MLLT1: variants seen among roughly 807,000 people sequenced by gnomAD.
MLLT1 encodes MLLT1 super elongation complex subunit.
A neutral mutation model predicts 55.1 loss-of-function variants in MLLT1; 11 were observed. The observed-to-expected ratio is 0.20, with a 90% confidence interval of 0.13 to 0.33. MLLT1 has a LOEUF of 0.33. Among genes scored for constraint, MLLT1 ranks in the 10% least tolerant of loss-of-function variants. The pLI is 1.00. For synonymous variants in MLLT1, 323 were observed against 320.1 expected (o/e 1.01, Z -0.10); for missense variants, 536 against 760.6 (o/e 0.70, Z 3.47).
intron 1 of MLLT1, among the ~76,000 whole-genome samples, chr19:6,276,712 C>T (rs1246102845): frequency 6.6e-6 from 1 of 152,088 alleles, no homozygotes; most frequent in Non-Finnish European, 1.5e-5. Context: ...CAGACATAAC[C>T]CTTAAGTGAG....
rs1398962714 is a variant in MLLT1, at chr19:6,228,368, TG to T, written c.421-1267del. ...GACTGACTGTTTCAGGATCACGCAG[TG>T]TCTCGCTCTAGCACAGACCGTTGAG... On this transcript the variant is annotated intron_variant, in intron 4 of 11. Transcript: ENST00000252674. Among the ~76,000 whole-genome samples the T allele has an allele frequency of 3.3e-5, 5 of 152,176 alleles. 1 individual carries two copies. The highest frequency in any genetic ancestry group is 5.9e-5 in the Non-Finnish European group (4 of 68,026).
At chr19:6,272,617 C>T (rs1265174413) in intron 1 of MLLT1, among the ~76,000 whole-genome samples, 2 of 152,254 alleles carry the variant, frequency 1.3e-5, no homozygotes, top group South Asian at 2.1e-4. Flanking sequence ...GCCCCCAGGG[C>T]CCCTGTGAAC....
In MLLT1 at chr19:6,213,951, C is replaced by A; in HGVS notation, c.1395G>T (p.Pro465=). Residue 465 remains proline, a synonymous_variant, in exon 9 of 12, where the codon CCG becomes CCT. Coordinates refer to ENST00000252674, the MANE Select transcript of MLLT1 (RefSeq NM_005934.4). The part of the protein sequence containing the change: ...REPPPPQKPP[P]PNSKVSGRRS... Reference sequence around the variant, plus strand: ...GCCCCAGGCTCACCTTGCTGTTGGGCGGGGGTGGCTTCTGGGGGGGTGGGG... The same window carrying A: ...GCCCCAGGCTCACCTTGCTGTTGGGAGGGGGTGGCTTCTGGGGGGGTGGGG... 2 of 1,310,334 alleles carry A rather than the reference C, an allele frequency of 1.5e-6. No individual in the cohort carries two copies. Among genetic ancestry groups the A allele is most frequent in the South Asian group, 1.6e-5 (1 of 62,480 alleles). The allele number at this position is 1,310,334 out of a possible 1,614,324, so 81.2% of individuals were successfully genotyped here.
rs368999165 is a variant in MLLT1, at chr19:6,222,272, G to T, written c.959C>A (p.Ser320Tyr). 2 of 1,612,210 alleles carry T rather than the reference G, an allele frequency of 1.2e-6. No homozygotes were observed. The highest frequency in any genetic ancestry group is 2.7e-5 in the African/African-American group (2 of 74,846). Residue 320 changes from serine (S) to tyrosine (Y), a missense_variant, in exon 6 of 12, where the codon TCC (serine) becomes TAC (tyrosine). This residue lies in a region of MLLT1 where 449 missense variants were observed against 489.0 expected (regional missense o/e 0.92). Coordinates refer to ENST00000252674, the MANE Select transcript of MLLT1 (RefSeq NM_005934.4). This position sits in a 1 kb window ranked among gnomAD's most constrained non-coding sequence, Gnocchi z 4.1. ...CTTCTTGTCCGAGAAGGAGGAGGAG[G>T]AGGAGGTGCGGGGCGAGGTGCCTGG... ...SAPGTSPRTS[S>Y]SSSFSDKKPA...
At chr19:6,238,210 AG>A (rs2091081156) in intron 3 of MLLT1, among the ~76,000 whole-genome samples, 1 of 152,250 alleles carries the variant, frequency 6.6e-6, no homozygotes. Flanking sequence ...CAGTTTTTGC[AG>A]GGAACTAGCT....
chr19:6,271,964 A>G (rs141435134), intron 1 of MLLT1, among the ~76,000 whole-genome samples: 1,993 of 151,972 alleles, frequency 0.013, 44 homozygotes, highest in African/African-American at 0.046. Flanking sequence ...CCCCGTTCAG[A>G]CCCCGCCACC....
intron 1 of MLLT1, among the ~76,000 whole-genome samples, chr19:6,277,530 T>G (rs1369406890): frequency 6.6e-6 from 1 of 152,186 alleles, no homozygotes; most frequent in Non-Finnish European, 1.5e-5. Context: ...TGCTGGTGAC[T>G]GTGGTACCGG....
chr19:6,213,088 G>A lies in MLLT1; in HGVS notation c.1634C>T (p.Thr545Ile), dbSNP rs943143486. 1 of 1,613,998 alleles carries A rather than the reference G, an allele frequency of 6.2e-7. No individual in the cohort carries two copies. The highest frequency in any genetic ancestry group is 8.5e-7 in the Non-Finnish European group (1 of 1,179,886). The change falls in exon 12 of 12, where the codon ACC becomes ATC. Residue 545 changes from threonine (T) to isoleucine (I), a missense_variant. This residue lies in a region of MLLT1 where 25 missense variants were observed against 75.8 expected (regional missense o/e 0.33). Transcript: ENST00000252674. ...GCAGCTCTGCAGTTTGCGCACGGTG[G>A]TCTCGTCCAGGGAGAAGAGGTCGAA... ...FDFDLFSLDE[T>I]TVRKLQSCLE...
intron 3 of MLLT1, among the ~76,000 whole-genome samples, chr19:6,246,896 A>G (rs2091173377): frequency 6.6e-6 from 1 of 152,236 alleles, no homozygotes; most frequent in Non-Finnish European, 1.5e-5. Context: ...GTACCCTTGC[A>G]GCGTTCCTAC....
rs1283539336 is a variant in MLLT1, at chr19:6,230,573, G to A, written c.417C>T (p.Gly139=). 3 of 1,612,800 alleles carry A rather than the reference G, an allele frequency of 1.9e-6. No homozygotes were observed. The highest frequency in any genetic ancestry group is 1.7e-6 in the Non-Finnish European group (2 of 1,179,802). Residue 139 remains glycine (G), a synonymous_variant, in exon 4 of 12, where the codon GGC becomes GGT. Coordinates refer to ENST00000252674, the MANE Select transcript of MLLT1 (RefSeq NM_005934.4). The surrounding 1 kb of genome is among the most constrained non-coding windows in gnomAD (Gnocchi z 9.0). ...TEFRYKLLRA[G]GVMVMPEGAD... is the part of the protein sequence containing the mutation. ...GGCAGGGGCGGGGCACACTCACCCC[G>A]CCGGCCCGCAGGAGCTTGTACCGGA...
intron 3 of MLLT1, among the ~76,000 whole-genome samples, chr19:6,257,912 G>C (rs1274983980): frequency 6.6e-6 from 1 of 152,182 alleles, no homozygotes; most frequent in African/African-American, 2.4e-5. Context: ...GGTCATCAAG[G>C]AAATGCAAAT....
At chr19:6,217,286 G>A (rs910319045) in intron 7 of MLLT1, among the ~76,000 whole-genome samples, 3 of 152,178 alleles carry the variant, frequency 2.0e-5, no homozygotes, top group African/African-American at 7.2e-5. Context: ...AGGATTCCAG[G>A]CCAAGGGGGA....
At chr19:6,215,014 G>A (rs539812179) in intron 8 of MLLT1, among the ~76,000 whole-genome samples, 1 of 152,302 alleles carries the variant, frequency 6.6e-6, no homozygotes, top group Admixed American at 6.5e-5. Context: ...ACGTTGCCCA[G>A]GCGACGCCCC....
rs1050834726 is a variant in MLLT1, at chr19:6,235,518, G to A, written c.277-4805C>T. Among the ~76,000 whole-genome samples the A allele has an allele frequency of 1.3e-5, 2 of 152,194 alleles. No homozygotes were observed. The highest frequency in any genetic ancestry group is 2.9e-5 in the Non-Finnish European group (2 of 68,004). On this transcript the variant is annotated intron_variant, in intron 3 of 11. Coordinates refer to ENST00000252674, the MANE Select transcript of MLLT1 (RefSeq NM_005934.4). The surrounding 1 kb of genome is among the most constrained non-coding windows in gnomAD (Gnocchi z 5.5). ...CCAGACGGTACCAAAGCACTGGGAT[G>A]CCCCAGGGACGCTCCCTAGCTCTGC...
At position 6,265,046 on chromosome 19, in the gene MLLT1, AAAC is replaced by A. The variant is rs1433069647; in HGVS notation, c.194-2739_194-2737del. 2.8e-3 allele frequency among the ~76,000 whole-genome samples: 161 copies of A among 58,012 alleles called. 6 individuals are homozygous for A. Among genetic ancestry groups the A allele is most frequent in the African/African-American group, 5.2e-3 (92 of 17,578 alleles). 38.1% of individuals were successfully genotyped at this position (58,012 alleles called of 152,430 possible). ...CAAAACATAGTGAACAGCAAAAAAA[AAAC>A]AAAAAAACAAAAAAACAAAAAAAAA... On this transcript the variant is annotated intron_variant, in intron 2 of 11. Transcript: ENST00000252674.
intron 3 of MLLT1, among the ~76,000 whole-genome samples, chr19:6,238,115 C>G (rs1020082407): frequency 3.9e-5 from 6 of 152,154 alleles, no homozygotes; most frequent in Non-Finnish European, 1.5e-5. Flanking sequence ...GAGGGAAAGA[C>G]AGAGAGAAGC....
rs753744711 is a variant in MLLT1, at chr19:6,213,325, G to C, written c.1551+12C>G. On this transcript the variant is annotated intron_variant, in intron 11 of 11. Coordinates refer to ENST00000252674, the MANE Select transcript of MLLT1 (RefSeq NM_005934.4). ...CGACCTCTGCCGGGCAGGACCCTCA[G>C]GGGGGCGATACCTGCTGCAGCACGT... The C allele has an allele frequency of 2.5e-6, 4 of 1,611,890 alleles. No homozygotes were observed. Among genetic ancestry groups the C allele is most frequent in the Admixed American group, 1.7e-5 (1 of 60,002 alleles).
chr19:6,255,385 C>G (rs906550655), intron 3 of MLLT1, among the ~76,000 whole-genome samples: 1 of 152,194 alleles, frequency 6.6e-6, no homozygotes, highest in South Asian at 2.1e-4. Flanking sequence ...TCCAGCTACT[C>G]GGGAGGCTGA....
chr19:6,278,942 A>G (rs1464437551), intron 1 of MLLT1, among the ~76,000 whole-genome samples: 1 of 152,198 alleles, frequency 6.6e-6, no homozygotes, highest in Non-Finnish European at 1.5e-5. Context: ...GGGACACTCC[A>G]AACAGGCCTG....
Sources: allele counts gnomAD v4.1 joint callset (sites outside exome capture counted in the v4.1 genomes callset), GRCh38; gene constraint gnomAD v4.1.1; regional missense constraint gnomAD v4.1.1; non-coding constraint Gnocchi (gnomAD v3.1); transcripts MANE v1.5; gene names NCBI Gene and HGNC (gene_info 2026-07-23, HGNC 2026-07-21).